The following TRHDE variants were observed in gnomAD, a reference collection of about 807,000 sequenced individuals.
TRHDE encodes thyrotropin releasing hormone degrading enzyme, also known as thyrotropin-releasing hormone-degrading ectoenzyme.
In TRHDE, 72 loss-of-function variants were observed where a neutral mutation model predicts 125.7. The ratio of observed to expected loss-of-function variants is 0.57; its 90% confidence interval spans 0.47 to 0.70. The LOEUF is 0.70. TRHDE is among the 30% of genes least tolerant of loss of function. The probability of loss-of-function intolerance (pLI) is 0.00; values close to 1 mark genes in which losing one functional copy is unlikely to be tolerated. For missense variants in TRHDE, 1,110 were observed against 1,327.1 expected (o/e 0.84, Z 2.54); for synonymous variants, 509 against 509.1 (o/e 1.00, Z 0.00).
chr12:72,118,903 G>T (rs541881949), intron 2 of TRHDE, among the ~76,000 whole-genome samples: 1 of 151,792 alleles, frequency 6.6e-6, no homozygotes, highest in East Asian at 1.9e-4. Context: ...CTCATTTTTT[G>T]TCTCTGATTT....
In TRHDE at chr12:72,272,731, G is replaced by A. The variant is rs1176897245; in HGVS notation, c.88G>A (p.Glu30Lys). 6.8e-7 allele frequency: 1 copy of A among 1,465,568 alleles called. No homozygotes were observed. Among genetic ancestry groups the A allele is most frequent in the Admixed American group, 2.2e-5 (1 of 45,492 alleles). 90.8% of individuals were successfully genotyped at this position (1,465,568 alleles called of 1,614,324 possible). A position where few individuals can be genotyped will look rare whatever the true frequency, so the allele number is the denominator to read the frequency against. The change falls in exon 1 of 19, where the codon GAG becomes AAG. Residue 30 changes from glutamate (E) to lysine (K), a missense_variant. By Grantham distance (56) the Glu-to-Lys change is moderately conservative. Coordinates refer to ENST00000261180, the MANE Select transcript of TRHDE (RefSeq NM_013381.3). The surrounding 1 kb of genome is among the most constrained non-coding windows in gnomAD (Gnocchi z 6.7). ...GAGGAAGAAGAAGAAGGAGGAGGAG[G>A]AGGAGGAGGAGGGGGCCGAGAAGAG... ...KKRKKKKEEE[E>K]EEEGAEKSSS...
At chr12:72,129,339 G>A (rs918513247) in intron 2 of TRHDE, among the ~76,000 whole-genome samples, 21 of 152,188 alleles carry the variant, frequency 1.4e-4, no homozygotes, top group Admixed American at 1.3e-4. Context: ...AATATTGGAA[G>A]TGGTAAAATG....
At chr12:72,432,263 G>A (rs921391798) in intron 3 of TRHDE, among the ~76,000 whole-genome samples, 3 of 152,134 alleles carry the variant, frequency 2.0e-5, no homozygotes, top group Non-Finnish European at 4.4e-5. Context: ...CCTGGCTCTA[G>A]TGGCCAGAGA....
chr12:72,520,567 G>A (rs1002095449), intron 6 of TRHDE, among the ~76,000 whole-genome samples: 2 of 152,126 alleles, frequency 1.3e-5, no homozygotes, highest in Non-Finnish European at 2.9e-5. Context: ...GATGAACCCG[G>A]TACCTCAGAT....
chr12:72,320,543 C>CTGTGTG (rs59244019), intron 2 of TRHDE, among the ~76,000 whole-genome samples: 16,325 of 142,980 alleles, frequency 0.11, 1,071 homozygotes, highest in African/African-American at 0.16. Flanking sequence ...AGAGGGTTGA[C>CTGTGTG]TGTGTGTGTG....
At chr12:72,123,543 T>C (rs1446884649) in intron 2 of TRHDE, among the ~76,000 whole-genome samples, 1 of 152,110 alleles carries the variant, frequency 6.6e-6, no homozygotes, top group African/African-American at 2.4e-5. Flanking sequence ...GATGTGTATA[T>C]ACTTTTTATC....
At chr12:72,646,807 A>G (rs1334381866) in intron 15 of TRHDE, among the ~76,000 whole-genome samples, 1 of 152,136 alleles carries the variant, frequency 6.6e-6, no homozygotes, top group Non-Finnish European at 1.5e-5. Context: ...ACATATATGC[A>G]TTCAACATTA....
At chr12:72,172,001 A>G (rs1164303174) in intron 2 of TRHDE, among the ~76,000 whole-genome samples, 1 of 152,130 alleles carries the variant, frequency 6.6e-6, no homozygotes, top group Non-Finnish European at 1.5e-5. Flanking sequence ...CCCAAAACCT[A>G]ATAACACTCT....
intron 2 of TRHDE, among the ~76,000 whole-genome samples, chr12:72,136,713 A>G (rs1216952174): frequency 6.6e-6 from 1 of 152,244 alleles, no homozygotes; most frequent in African/African-American, 2.4e-5. Flanking sequence ...GAAGGGGAAT[A>G]TGGAGCTGAC....
chr12:72,618,899 A>G lies in TRHDE; in HGVS notation c.2330A>G (p.Tyr777Cys). 2.0e-6 allele frequency: 3 copies of G among 1,513,526 alleles called. No individual in the cohort carries two copies. Among genetic ancestry groups the G allele is most frequent in the Non-Finnish European group, 2.6e-6 (3 of 1,134,388 alleles). 93.8% of individuals were successfully genotyped at this position (1,513,526 alleles called of 1,614,324 possible). ...DDAFSLARAG[Y>C]LPQNIPLEII... is the part of the protein sequence containing the mutation. ...TTTTTTTTTAACTGTAGGGCTGGCT[A>G]TTTGCCTCAGAATATTCCTCTGGAG... The change falls in exon 13 of 19, where the codon TAT becomes TGT. Residue 777 changes from tyrosine (Y) to cysteine (C), a missense_variant. By Grantham distance (194) the Tyr-to-Cys change is radical (BLOSUM62 -2). Transcript: ENST00000261180.
intron 1 of TRHDE, among the ~76,000 whole-genome samples, chr12:72,283,299 C>T (rs1463890433): frequency 6.6e-6 from 1 of 152,126 alleles, no homozygotes; most frequent in Non-Finnish European, 1.5e-5. Flanking sequence ...GAATATTTTA[C>T]GTCTGATTTT....
At chr12:72,637,289 A>G (rs1023041550) in intron 15 of TRHDE, among the ~76,000 whole-genome samples, 9 of 152,140 alleles carry the variant, frequency 5.9e-5, no homozygotes, top group Non-Finnish European at 1.3e-4. Flanking sequence ...GTTTATTTGC[A>G]TAGAGGTGTT....
intron 3 of TRHDE, among the ~76,000 whole-genome samples, chr12:72,379,129 C>T (rs1872030234): frequency 6.6e-6 from 1 of 152,178 alleles, no homozygotes; most frequent in Non-Finnish European, 1.5e-5. Flanking sequence ...ACCACAGGGT[C>T]TCCTCCCTGG....
intron 1 of TRHDE, among the ~76,000 whole-genome samples, chr12:72,275,526 T>C (rs975527694): frequency 7.2e-5 from 11 of 152,332 alleles, no homozygotes; most frequent in South Asian, 6.2e-4. Flanking sequence ...GGGAAAGGCA[T>C]AGAAAACAAA....
intron 2 of TRHDE, among the ~76,000 whole-genome samples, chr12:72,110,983 T>C (rs910841559): frequency 1.3e-5 from 2 of 152,120 alleles, no homozygotes; most frequent in African/African-American, 4.8e-5. Flanking sequence ...TCAGGCAATC[T>C]ATGTTTGTGA....
At chr12:72,598,000 G>A (rs10879456) in intron 12 of TRHDE, among the ~76,000 whole-genome samples, 40,133 of 150,822 alleles carry the variant, frequency 0.27, 8,104 homozygotes, top group East Asian at 0.55. Context: ...GATATTACCA[G>A]GTAATATTTA....
At chr12:72,127,881 G>A (rs748699122) in intron 2 of TRHDE, among the ~76,000 whole-genome samples, 3 of 151,456 alleles carry the variant, frequency 2.0e-5, no homozygotes, top group Non-Finnish European at 4.4e-5. Context: ...ATATGTGTGT[G>A]TATATATATA....
intron 6 of TRHDE, among the ~76,000 whole-genome samples, chr12:72,541,935 C>T (rs1249818946): frequency 6.6e-6 from 1 of 151,158 alleles, no homozygotes; most frequent in African/African-American, 2.4e-5. Flanking sequence ...GGTATCCTTC[C>T]CTGAGCAAAT....
chr12:72,605,090 T>C (rs979523742), intron 12 of TRHDE, among the ~76,000 whole-genome samples: 4 of 152,064 alleles, frequency 2.6e-5, no homozygotes, highest in African/African-American at 9.7e-5. Context: ...CAACTAAAAT[T>C]GAGAAATTTG....
Sources: gnomAD v4.1 joint callset for allele counts (sites outside exome capture counted in the v4.1 genomes callset) on GRCh38, gnomAD v4.1.1 for gene constraint, Gnocchi (gnomAD v3.1) non-coding constraint, MANE v1.5 for transcripts, NCBI Gene and HGNC (gene_info 2026-07-23, HGNC 2026-07-21) for gene names.